The following PPM1G variants were observed in gnomAD, a reference collection of about 807,000 sequenced individuals.
PPM1G encodes protein phosphatase, Mg2+/Mn2+ dependent 1G.
A neutral mutation model predicts 59.4 loss-of-function variants in PPM1G; 12 were observed. The ratio of observed to expected loss-of-function variants is 0.20; its 90% CI spans 0.13 to 0.33. PPM1G has a LOEUF of 0.33. PPM1G is among the 10% of genes least tolerant of loss of function. PPM1G has a pLI of 1.00. For synonymous variants in PPM1G, 245 were observed against 251.9 expected (o/e 0.97, Z 0.26); for missense variants, 392 against 681.3 (o/e 0.58, Z 4.73).
chr2:27,408,227 A>T (rs1663426817), intron 1 of PPM1G, among the ~76,000 whole-genome samples: 1 of 152,230 alleles, frequency 6.6e-6, no homozygotes, highest in Non-Finnish European at 1.5e-5. Context: ...GGGAGGAGCG[A>T]GGGATCTGAA....
At chr2:27,402,143 T>C (rs984752207) in intron 1 of PPM1G, among the ~76,000 whole-genome samples, 1 of 152,220 alleles carries the variant, frequency 6.6e-6, no homozygotes, top group Non-Finnish European at 1.5e-5. Context: ...AAAAAGTTGA[T>C]ATACTTCATC....
chr2:27,381,828 T>A, intron 9 of PPM1G, 23 bp from the exon 10 acceptor site: 1 of 1,609,188 alleles, frequency 6.2e-7, no homozygotes, highest in Non-Finnish European at 8.5e-7. Context: ...TGGGGGTAGC[T>A]CAGCCACAGG....
rs1038975894 is a variant in PPM1G, at chr2:27,409,523, C to A, written c.-101G>T. ...CGCGCGGCAGGAGCAGGCCCCGCGG[C>A]GCGACCGACGCAAGGTGCCGGTGAA... is the stretch of plus-strand genomic sequence containing the variant. On this transcript the variant is annotated 5_prime_UTR_variant, in exon 1 of 10. Transcript: ENST00000344034. 2.3e-6 allele frequency: 3 copies of A among 1,312,766 alleles called. No homozygotes were observed. Among genetic ancestry groups the A allele is most frequent in the Non-Finnish European group, 2.9e-6 (3 of 1,027,520 alleles). The allele number at this position is 1,312,766 out of a possible 1,614,324, so 81.3% of individuals were successfully genotyped here.
Position 27,384,873 on chromosome 2 carries a change from TG to T in PPM1G, c.624del (p.Lys209ArgfsTer104). 6.2e-7 allele frequency: 1 copy of T among 1,614,084 alleles called. No individual in the cohort carries two copies. ...ETPSQENGPT[A>X]KAYTGFSSNS... ...TTGGAGGAAAAGCCTGTGTAGGCCTTGGCTGTGGGGCCATTTTCTTGTGAAG... is the reference window on the plus strand; with the variant it reads ...TTGGAGGAAAAGCCTGTGTAGGCCTTGCTGTGGGGCCATTTTCTTGTGAAG... On this transcript the variant is annotated frameshift_variant, in exon 5 of 10. Coordinates refer to ENST00000344034, the MANE Select transcript of PPM1G (RefSeq NM_177983.3). LOFTEE classifies it high-confidence loss of function. This position sits in a 1 kb window ranked among gnomAD's most constrained non-coding sequence, Gnocchi z 4.8.
chr2:27,406,053 G>A (rs1265224494), intron 1 of PPM1G, among the ~76,000 whole-genome samples: 1 of 152,048 alleles, frequency 6.6e-6, no homozygotes, highest in Non-Finnish European at 1.5e-5. Flanking sequence ...GGTCACACAG[G>A]AAGAGAAGCT....
chr2:27,406,856 C>A (rs1408569074), intron 1 of PPM1G, among the ~76,000 whole-genome samples: 1 of 152,092 alleles, frequency 6.6e-6, no homozygotes, highest in Non-Finnish European at 1.5e-5. Flanking sequence ...GGAATATTCA[C>A]CTCAAATCTC....
chr2:27,394,925 A>G (rs1478702147), intron 1 of PPM1G, among the ~76,000 whole-genome samples: 2 of 151,916 alleles, frequency 1.3e-5, no homozygotes, highest in Admixed American at 1.3e-4. Context: ...AGGAACTATT[A>G]AAAATAATAA....
chr2:27,387,082 A>G lies in PPM1G; in HGVS notation c.190+7T>C. Reference sequence around the variant, plus strand: ...AGAATGTTACCAATATGATCTGTTAAAGTTACCTCCATGTCCATCGTAGAC... The same window carrying G: ...AGAATGTTACCAATATGATCTGTTAGAGTTACCTCCATGTCCATCGTAGAC... On this transcript the variant is annotated splice_region_variant and intron_variant, in intron 2 of 9. Coordinates refer to ENST00000344034, the MANE Select transcript of PPM1G (RefSeq NM_177983.3). 1.2e-6 allele frequency: 2 copies of G among 1,604,926 alleles called. No homozygotes were observed. The highest frequency in any genetic ancestry group is 2.2e-5 in the South Asian group (2 of 90,912).
Position 27,383,658 on chromosome 2 carries a change from G to A in PPM1G, c.967-58C>T. 1 of 1,486,388 alleles carries A rather than the reference G, an allele frequency of 6.7e-7. No homozygotes were observed. Among genetic ancestry groups the A allele is most frequent in the Non-Finnish European group, 9.2e-7 (1 of 1,090,886 alleles). The allele number at this position is 1,486,388 out of a possible 1,614,324, so 92.1% of individuals were successfully genotyped here. A position where few individuals can be genotyped will look rare whatever the true frequency, so the allele number is the denominator to read the frequency against. On this transcript the variant is annotated intron_variant, in intron 6 of 9. Coordinates refer to ENST00000344034, the MANE Select transcript of PPM1G (RefSeq NM_177983.3). This position sits in a 1 kb window ranked among gnomAD's most constrained non-coding sequence, Gnocchi z 5.0. ...TTCTGAACATGCGTTCCTCACTGAT[G>A]TGCTCCTGATCGTTCACCTATGCTT... is the stretch of plus-strand genomic sequence containing the variant.
At position 27,386,843 on chromosome 2, in the gene PPM1G, A is replaced by G. The variant is rs145135967; in HGVS notation, c.190+246T>C. 765 of 327,350 alleles carry G rather than the reference A, an allele frequency of 2.3e-3. 3 individuals carry two copies. Among genetic ancestry groups the G allele is most frequent in the Non-Finnish European group, 3.3e-3 (590 of 179,310 alleles). The allele number at this position is 327,350 out of a possible 1,614,324, so 20.3% of individuals were successfully genotyped here. A position where few individuals can be genotyped will look rare whatever the true frequency, so the allele number is the denominator to read the frequency against. ...GACCTACCGCGTGCCCAGCCTAAAA[A>G]TTTTAAAAAATAAAAATAAAAAAAG... On this transcript the variant is annotated intron_variant, in intron 2 of 9. Coordinates refer to ENST00000344034, the MANE Select transcript of PPM1G (RefSeq NM_177983.3).
intron 1 of PPM1G, among the ~76,000 whole-genome samples, chr2:27,397,266 C>T (rs1188003595): frequency 1.3e-5 from 2 of 151,942 alleles, no homozygotes; most frequent in Non-Finnish European, 2.9e-5. Context: ...CAAACATTTA[C>T]AGAAAAATTA....
intron 1 of PPM1G, among the ~76,000 whole-genome samples, chr2:27,394,518 C>A (rs1444178355): frequency 6.6e-6 from 1 of 151,606 alleles, no homozygotes; most frequent in Non-Finnish European, 1.5e-5. Flanking sequence ...ATCTCTAGGT[C>A]AAGAGATTGA....
At chr2:27,401,155 G>C (rs1684169793) in intron 1 of PPM1G, among the ~76,000 whole-genome samples, 1 of 152,120 alleles carries the variant, frequency 6.6e-6, no homozygotes, top group Non-Finnish European at 1.5e-5. Flanking sequence ...AAAGAACCTT[G>C]GGTCAGCAAA....
At position 27,386,266 on chromosome 2, in the gene PPM1G, G is replaced by C; in HGVS notation, c.204C>G (p.Ala68=). 1 of 1,613,156 alleles carries C rather than the reference G, an allele frequency of 6.2e-7. No homozygotes were observed. Among genetic ancestry groups the C allele is most frequent in the Non-Finnish European group, 8.5e-7 (1 of 1,179,238 alleles). Residue 68 remains alanine, a synonymous_variant, in exon 3 of 10, where the codon GCC becomes GCG. Coordinates refer to ENST00000344034, the MANE Select transcript of PPM1G (RefSeq NM_177983.3). ...VYDGHGGEEV[A]LYCAKYLPDI... ...CAGGAAGATATTTGGCACAGTACAA[G>C]GCAACTTCCTCCCCTAGAAGGAAAG...
At chr2:27,406,730 G>C (rs1369591653) in intron 1 of PPM1G, among the ~76,000 whole-genome samples, 1 of 152,098 alleles carries the variant, frequency 6.6e-6, no homozygotes, top group Non-Finnish European at 1.5e-5. Context: ...GAGTAGCCAA[G>C]CAACTCAATC....
At chr2:27,409,081 A>G (rs1385978413) in intron 1 of PPM1G, among the ~76,000 whole-genome samples, 1 of 152,078 alleles carries the variant, frequency 6.6e-6, no homozygotes, top group Non-Finnish European at 1.5e-5. Flanking sequence ...CTCTTCCCAC[A>G]TGGCCGAGCC....
At chr2:27,396,241 C>T (rs1242184311) in intron 1 of PPM1G, among the ~76,000 whole-genome samples, 1 of 152,052 alleles carries the variant, frequency 6.6e-6, no homozygotes, top group African/African-American at 2.4e-5. Context: ...CACTGCACTC[C>T]AGCCTGGGCG....
Position 27,385,600 on chromosome 2 carries a change from T to C in PPM1G, c.409+147A>G, listed in dbSNP as rs1018441235. On this transcript the variant is annotated intron_variant, in intron 4 of 9. Coordinates refer to ENST00000344034, the MANE Select transcript of PPM1G (RefSeq NM_177983.3). This position sits in a 1 kb window ranked among gnomAD's most constrained non-coding sequence, Gnocchi z 4.1. ...TCTCTCCCTCCTTTTCATAACCACATACAATGCAGGAGAACATCATAGGTT... is the reference window on the plus strand; with the variant it reads ...TCTCTCCCTCCTTTTCATAACCACACACAATGCAGGAGAACATCATAGGTT... 1 of 1,012,466 alleles carries C rather than the reference T, an allele frequency of 9.9e-7. No homozygotes were observed. Among genetic ancestry groups the C allele is most frequent in the East Asian group, 2.6e-5 (1 of 38,678 alleles). The allele number at this position is 1,012,466 out of a possible 1,614,324, so 62.7% of individuals were successfully genotyped here. A position where few individuals can be genotyped will look rare whatever the true frequency, so the allele number is the denominator to read the frequency against.
rs200711038 is a variant in PPM1G at position 27,382,659 on chromosome 2, T to C, written c.1202-54A>G. ...TTTGGATACTTCCCACAGACTTGTG[T>C]TTGTGGCAGGTCAAACCTTGCCATT... On this transcript the variant is annotated intron_variant, in intron 7 of 9. Coordinates refer to ENST00000344034, the MANE Select transcript of PPM1G (RefSeq NM_177983.3). The surrounding 1 kb of genome is among the most constrained non-coding windows in gnomAD (Gnocchi z 4.2). 2.3e-4 allele frequency: 376 copies of C among 1,604,962 alleles called. 3 individuals carry two copies. In the East Asian group the frequency reaches 6.6e-3, roughly 28 times the overall value.
Sources: allele counts gnomAD v4.1 joint callset (sites outside exome capture counted in the v4.1 genomes callset), GRCh38; gene constraint gnomAD v4.1.1; non-coding constraint Gnocchi (gnomAD v3.1); transcripts MANE v1.5; gene names NCBI Gene and HGNC (gene_info 2026-07-23, HGNC 2026-07-21).